KIF27: variants seen among roughly 807,000 people sequenced by gnomAD.
KIF27 encodes the protein kinesin-like protein KIF27.
KIF27 carries 84 observed loss-of-function variants against 141.8 expected under a neutral mutation model. The observed-to-expected ratio is 0.59, with a 90% CI of 0.50 to 0.71. The LOEUF (loss-of-function observed/expected upper bound fraction) is 0.71. Among genes scored for constraint, KIF27 ranks in the 30% least tolerant of loss-of-function variants. The pLI is 0.00. For missense variants in KIF27, 1,306 were observed against 1,628.4 expected, an observed-to-expected ratio of 0.80 and a Z score of 3.41; for synonymous variants, 471 against 569.5, an observed-to-expected ratio of 0.83 and a Z score of 2.46.
chr9:83,862,247 G>A (rs1284148529), intron 13 of KIF27, among the ~76,000 whole-genome samples: 1 of 151,918 alleles, frequency 6.6e-6, no homozygotes. Flanking sequence ...TGAAGTCCTT[G>A]CCCATGCCTA....
At chr9:83,852,518 G>C (rs1354511422) in intron 15 of KIF27, among the ~76,000 whole-genome samples, 1 of 151,670 alleles carries the variant, frequency 6.6e-6, no homozygotes, top group Non-Finnish European at 1.5e-5. Context: ...CAAACATGCA[G>C]CAATAGGATG....
chr9:83,836,264 A>G lies in KIF27; in HGVS notation c.*737T>C, dbSNP rs1231203174. 6.6e-6 allele frequency among the ~76,000 whole-genome samples: 1 copy of G among 152,164 alleles called. No homozygotes were observed. The highest frequency in any genetic ancestry group is 2.1e-4 in the South Asian group (1 of 4,820). ...TGTTAGAATGCTTTAGTTTTATTCT[A>G]TAATTTCCGTGTTCCATGGAACAGC... is the stretch of plus-strand genomic sequence containing the variant. On this transcript the variant is annotated 3_prime_UTR_variant, in exon 18 of 18. Coordinates refer to ENST00000297814, the MANE Select transcript of KIF27 (RefSeq NM_017576.4).
At position 83,888,542 on chromosome 9, in the gene KIF27, A is replaced by T; in HGVS notation, c.2030T>A (p.Val677Asp). 2 of 1,602,028 alleles carry T rather than the reference A, an allele frequency of 1.2e-6. No homozygotes were observed. Among genetic ancestry groups the T allele is most frequent in the Non-Finnish European group, 1.7e-6 (2 of 1,173,510 alleles). ...IQKPDSVCSL[V>D]ELSDTQDETQ... ...TTCATCCTGAGTATCACTCAATTCA[A>T]CAAGGGAACAAACAGAGTCTGGCTT... Residue 677 changes from valine to aspartate, a missense_variant, in exon 8 of 18, where the codon GTT (valine) becomes GAT (aspartate). Val to Asp is a radical substitution (Grantham distance 152). Around this residue, in one of 4 missense-constraint regions of KIF27, gnomAD observed 596 missense variants for 751.6 expected, o/e 0.79. Coordinates refer to ENST00000297814, the MANE Select transcript of KIF27 (RefSeq NM_017576.4).
chr9:83,837,696 A>G (rs1946047577), intron 17 of KIF27: 1 of 429,732 alleles, frequency 2.3e-6, no homozygotes, highest in African/African-American at 2.1e-5. Flanking sequence ...AATAACTCAC[A>G]ACTTTAATTC....
At chr9:83,843,023 T>C (rs1178077679) in intron 16 of KIF27, among the ~76,000 whole-genome samples, 1 of 152,142 alleles carries the variant, frequency 6.6e-6, no homozygotes, top group South Asian at 2.1e-4. Flanking sequence ...GTGTTTTCTA[T>C]AAAAAGTTCA....
chr9:83,872,105 C>T (rs934273574), intron 11 of KIF27, among the ~76,000 whole-genome samples: 11 of 151,338 alleles, frequency 7.3e-5, no homozygotes, highest in African/African-American at 2.4e-4. Context: ...AGGCTGATCA[C>T]CTGAGGTCAG....
intron 2 of KIF27, among the ~76,000 whole-genome samples, chr9:83,914,991 A>G (rs1955549292): frequency 6.6e-6 from 1 of 152,234 alleles, no homozygotes; most frequent in African/African-American, 2.4e-5. Context: ...GCAAAATCTA[A>G]TCATGTTAAC....
At chr9:83,844,548 G>A (rs1285997460) in intron 16 of KIF27, among the ~76,000 whole-genome samples, 16 of 152,090 alleles carry the variant, frequency 1.1e-4, no homozygotes, top group Non-Finnish European at 8.8e-5. Context: ...ACTCCTAATA[G>A]TATGGAGAAC....
At chr9:83,894,122 A>G (rs1486675313) in intron 5 of KIF27, among the ~76,000 whole-genome samples, 2 of 152,342 alleles carry the variant, frequency 1.3e-5, no homozygotes, top group African/African-American at 4.8e-5. Flanking sequence ...CATACCCCCA[A>G]AGAAAATTTC....
intron 1 of KIF27, among the ~76,000 whole-genome samples, chr9:83,918,340 A>C (rs1955911902): frequency 1.6e-5 from 2 of 123,512 alleles, no homozygotes; most frequent in African/African-American, 3.2e-5. Context: ...GGGGCAGGAC[A>C]GGGAGGGAGA....
chr9:83,859,598 C>T (rs1312454619), intron 13 of KIF27: 3 of 471,432 alleles, frequency 6.4e-6, no homozygotes, highest in Non-Finnish European at 1.1e-5. Flanking sequence ...ATGGTGCAAC[C>T]TCAGCTCACT....
chr9:83,915,180 C>A lies in KIF27; in HGVS notation c.298+114G>T, dbSNP rs375633294. The A allele has an allele frequency of 1.2e-4, 93 of 758,780 alleles. No homozygotes were observed. The African/African-American group carries it at 1.6e-3, about 13-fold the overall frequency. 47.0% of individuals were successfully genotyped at this position (758,780 alleles called of 1,614,324 possible). A position where few individuals can be genotyped will look rare whatever the true frequency, so the allele number is the denominator to read the frequency against. On this transcript the variant is annotated intron_variant, in intron 2 of 17. Transcript: ENST00000297814. The stretch of plus-strand genomic sequence containing the variant: ...TATGATCACATTTGATTACATGATT[C>A]ATTCCTTCACTATTCAATCAATATG...
chr9:83,903,735 G>C lies in KIF27; in HGVS notation c.783C>G (p.Phe261Leu), dbSNP rs193285297. The C allele has an allele frequency of 1.8e-4, 285 of 1,614,130 alleles. No homozygotes were observed. In the East Asian group the frequency reaches 6.2e-3, roughly 35 times the overall value. ...VTKTGNTGER[F>L]KESIQINSGL... ...CACTATTGATTTGAATGGATTCTTT[G>C]AACCGTTCACCAGTATTCCCCGTTT... The change falls in exon 4 of 18, where the codon TTC (phenylalanine) becomes TTG (leucine). Residue 261 changes from phenylalanine to leucine, a missense_variant. Physicochemically the swap from Phe to Leu is conservative, Grantham distance 22. Coordinates refer to ENST00000297814, the MANE Select transcript of KIF27 (RefSeq NM_017576.4).
chr9:83,905,211 C>A (rs1380749126), intron 3 of KIF27, among the ~76,000 whole-genome samples: 1 of 151,966 alleles, frequency 6.6e-6, no homozygotes, highest in Non-Finnish European at 1.5e-5. Context: ...CTCCGCCTCC[C>A]GGGTTCACAC....
chr9:83,916,898 C>T (rs548179808), intron 1 of KIF27, among the ~76,000 whole-genome samples: 5 of 151,980 alleles, frequency 3.3e-5, no homozygotes, highest in Admixed American at 6.6e-5. Context: ...CTCCTGACCT[C>T]GTGATGCGCC....
At chr9:83,897,219 A>T (rs1239953429) in intron 5 of KIF27, among the ~76,000 whole-genome samples, 3 of 152,164 alleles carry the variant, frequency 2.0e-5, no homozygotes, top group African/African-American at 7.2e-5. Flanking sequence ...ATCTAGACTT[A>T]TTATAAACCT....
rs1023054348 is a variant in KIF27 at position 83,835,193 on chromosome 9, TATA to T, written c.*1805_*1807del. Among the ~76,000 whole-genome samples, 80 of 150,190 alleles carry T rather than the reference TATA, an allele frequency of 5.3e-4. No homozygotes were observed. The highest frequency in any genetic ancestry group is 1.5e-3 in the African/African-American group (61 of 41,208). On this transcript the variant is annotated 3_prime_UTR_variant, in exon 18 of 18. Coordinates refer to ENST00000297814, the MANE Select transcript of KIF27 (RefSeq NM_017576.4). The stretch of plus-strand genomic sequence containing the variant: ...TATACATATATATATATGAAATATA[TATA>T]ATAATGGCAAAAGGTCAGTGCATTT...
At chr9:83,881,090 C>T (rs1255927874) in intron 10 of KIF27, among the ~76,000 whole-genome samples, 1 of 151,816 alleles carries the variant, frequency 6.6e-6, no homozygotes, top group Admixed American at 6.6e-5. Flanking sequence ...AATCGTTAAT[C>T]CCTGAGTTAG....
Position 83,915,460 on chromosome 9 carries a change from G to C in KIF27, c.132C>G (p.Val44=). 6.2e-7 allele frequency: 1 copy of C among 1,613,812 alleles called. No individual in the cohort carries two copies. Among genetic ancestry groups the C allele is most frequent in the Non-Finnish European group, 8.5e-7 (1 of 1,179,812 alleles). ...TGCCAAAAACAAAATCAAAAGTGAAGACTCTATCTCTCCCAATGATAACTT... is the reference window on the plus strand; with the variant it reads ...TGCCAAAAACAAAATCAAAAGTGAACACTCTATCTCTCCCAATGATAACTT... ...SQQVIIGRDR[V]FTFDFVFGKN... Residue 44 remains valine, a synonymous_variant, in exon 2 of 18, where the codon GTC becomes GTG. Coordinates refer to ENST00000297814, the MANE Select transcript of KIF27 (RefSeq NM_017576.4).
Sources: allele counts gnomAD v4.1 joint callset (sites outside exome capture counted in the v4.1 genomes callset), GRCh38; gene constraint gnomAD v4.1.1; regional missense constraint gnomAD v4.1.1; transcripts MANE v1.5; gene names NCBI Gene and HGNC (gene_info 2026-07-23, HGNC 2026-07-21).